The following FSTL5 variants were observed in gnomAD, a reference collection of about 807,000 sequenced individuals.
FSTL5 encodes the protein follistatin-related protein 5.
A neutral mutation model predicts 89.1 loss-of-function variants in FSTL5; 62 were observed. The observed-to-expected ratio is 0.70, with a 90% CI of 0.57 to 0.86. The LOEUF (loss-of-function observed/expected upper bound fraction) is 0.86. Ranked by LOEUF, FSTL5 falls within the 40% of genes least tolerant of loss-of-function variation. FSTL5 has a pLI of 0.00. For missense variants in FSTL5, 1,057 were observed against 1,001.6 expected, an observed-to-expected ratio of 1.06 and a Z score of -0.75; for synonymous variants, 383 against 346.2, an observed-to-expected ratio of 1.11 and a Z score of -1.18.
In FSTL5 at chr4:161,835,317, G is replaced by T. The variant is rs373026922; in HGVS notation, c.410-59243C>A. 5.7e-3 allele frequency among the ~76,000 whole-genome samples: 866 copies of T among 152,226 alleles called. 5 individuals carry two copies. Among genetic ancestry groups the T allele is most frequent in the Non-Finnish European group, 0.01 (713 of 68,020 alleles). The stretch of plus-strand genomic sequence containing the variant: ...AAAAATTAATTCAAGATGGATTAAA[G>T]ACTTAAACATTAGACCTAAAACCAT... On this transcript the variant is annotated intron_variant, in intron 4 of 15. Coordinates refer to ENST00000306100, the MANE Select transcript of FSTL5 (RefSeq NM_020116.5).
intron 4 of FSTL5, among the ~76,000 whole-genome samples, chr4:161,832,043 A>C (rs1171883734): frequency 6.6e-6 from 1 of 152,098 alleles, no homozygotes; most frequent in African/African-American, 2.4e-5. Context: ...TACAGAGATA[A>C]GGGATGCTTA....
At chr4:161,516,724 T>TACACACACAC (rs35139981) in intron 10 of FSTL5, among the ~76,000 whole-genome samples, 1 of 127,300 alleles carries the variant, frequency 7.9e-6, no homozygotes, top group Admixed American at 8.3e-5. Flanking sequence ...TATATATATG[T>TACACACACAC]ACACACACAC....
intron 2 of FSTL5, among the ~76,000 whole-genome samples, chr4:162,097,646 A>G (rs1393956261): frequency 1.3e-5 from 2 of 151,880 alleles, no homozygotes; most frequent in Non-Finnish European, 2.9e-5. Context: ...AGCAATTTAC[A>G]ACAATGGCAA....
chr4:162,071,410 T>C (rs138002938), intron 2 of FSTL5, among the ~76,000 whole-genome samples: 73 of 151,778 alleles, frequency 4.8e-4, no homozygotes, highest in African/African-American at 1.6e-3. Flanking sequence ...AGGTATTATA[T>C]AATAATATAG....
intron 4 of FSTL5, among the ~76,000 whole-genome samples, chr4:161,832,429 TG>T (rs1198989093): frequency 1.3e-5 from 2 of 152,136 alleles, no homozygotes; most frequent in Non-Finnish European, 2.9e-5. Context: ...CTTTTTCTAT[TG>T]ATTGGAATAG....
intron 6 of FSTL5, among the ~76,000 whole-genome samples, chr4:161,711,146 A>C (rs1332246814): frequency 6.6e-6 from 1 of 151,958 alleles, no homozygotes; most frequent in Non-Finnish European, 1.5e-5. Context: ...CCTGGGGGAC[A>C]AGGGGACAGG....
chr4:161,773,599 A>G (rs999070051), intron 5 of FSTL5, among the ~76,000 whole-genome samples: 1 of 152,164 alleles, frequency 6.6e-6, no homozygotes, highest in Non-Finnish European at 1.5e-5. Context: ...AAAATGCTCA[A>G]CATCACTAAT....
At chr4:161,512,688 A>C (rs575038621) in intron 10 of FSTL5, among the ~76,000 whole-genome samples, 1 of 152,244 alleles carries the variant, frequency 6.6e-6, no homozygotes, top group Admixed American at 6.5e-5. Context: ...AATAAATACC[A>C]AAAATTACAG....
intron 1 of FSTL5, among the ~76,000 whole-genome samples, chr4:162,116,796 A>T (rs993869085): frequency 7.9e-5 from 12 of 151,748 alleles, no homozygotes; most frequent in Non-Finnish European, 1.8e-4. Flanking sequence ...AGCCTTACTT[A>T]CCCTGCCACA....
intron 15 of FSTL5, among the ~76,000 whole-genome samples, chr4:161,421,456 T>C (rs1342324453): frequency 1.3e-5 from 2 of 152,180 alleles, no homozygotes; most frequent in African/African-American, 4.8e-5. Flanking sequence ...CTACACAAGA[T>C]AGTTGTATCA....
At chr4:162,147,856 T>A (rs985420531) in intron 1 of FSTL5, among the ~76,000 whole-genome samples, 1 of 151,878 alleles carries the variant, frequency 6.6e-6, no homozygotes, top group African/African-American at 2.4e-5. Context: ...CTACAAAAAA[T>A]TAGCTGGGCG....
intron 8 of FSTL5, among the ~76,000 whole-genome samples, chr4:161,578,693 C>T (rs532684396): frequency 2.0e-5 from 3 of 151,454 alleles, no homozygotes; most frequent in African/African-American, 4.8e-5. Flanking sequence ...TTGCTGATAC[C>T]CAATGATAAA....
intron 6 of FSTL5, among the ~76,000 whole-genome samples, chr4:161,728,606 A>T (rs577778132): frequency 2.4e-4 from 36 of 152,126 alleles, no homozygotes; most frequent in Non-Finnish European, 4.3e-4. Context: ...ATATGATGAC[A>T]AAGAAGATAA....
intron 4 of FSTL5, among the ~76,000 whole-genome samples, chr4:161,777,400 G>A (rs965489041): frequency 6.6e-6 from 1 of 151,894 alleles, no homozygotes; most frequent in African/African-American, 2.4e-5. Context: ...TGTCTTTTGA[G>A]TATATATCCA....
intron 8 of FSTL5, among the ~76,000 whole-genome samples, chr4:161,559,579 A>G (rs766624553): frequency 1.8e-4 from 27 of 151,868 alleles, no homozygotes; most frequent in Admixed American, 3.3e-4. Context: ...TCTCCCTCTC[A>G]TTTCTATCTT....
chr4:161,632,810 A>G (rs1735547484), intron 7 of FSTL5, among the ~76,000 whole-genome samples: 1 of 152,224 alleles, frequency 6.6e-6, no homozygotes, highest in South Asian at 2.1e-4. Context: ...TTCAAATAAA[A>G]TAGGTTAAAC....
rs146526619 is a variant in FSTL5 at position 161,516,706 on chromosome 4, A to AAT, written c.1313-6284_1313-6283dup. Among the ~76,000 whole-genome samples, 28 of 123,868 alleles carry AAT rather than the reference A, an allele frequency of 2.3e-4. 2 individuals carry two copies. The highest frequency in any genetic ancestry group is 1.9e-3 in the South Asian group (7 of 3,600). The allele number at this position is 123,868 out of a possible 152,430, so 81.3% of individuals were successfully genotyped here. A position where few individuals can be genotyped will look rare whatever the true frequency, so the allele number is the denominator to read the frequency against. On this transcript the variant is annotated intron_variant, in intron 10 of 15. Coordinates refer to ENST00000306100, the MANE Select transcript of FSTL5 (RefSeq NM_020116.5). ...ATGTATAGTGAATTTATTATATGTAAATATATATATATATATGTACACACA... is the reference window on the plus strand; with the variant it reads ...ATGTATAGTGAATTTATTATATGTAAATATATATATATATATATGTACACACA...
At chr4:161,847,564 T>C (rs1278408344) in intron 4 of FSTL5, among the ~76,000 whole-genome samples, 3 of 152,222 alleles carry the variant, frequency 2.0e-5, no homozygotes, top group Non-Finnish European at 4.4e-5. Context: ...TCACTTGTAG[T>C]TGTTTTTTCA....
At chr4:161,674,098 T>C (rs1436975667) in intron 6 of FSTL5, among the ~76,000 whole-genome samples, 1 of 152,062 alleles carries the variant, frequency 6.6e-6, no homozygotes, top group Admixed American at 6.6e-5. Context: ...AGATTTTCAC[T>C]ATTAATAGAA....
Sources: gnomAD v4.1 joint callset for allele counts (sites outside exome capture counted in the v4.1 genomes callset) on GRCh38, gnomAD v4.1.1 for gene constraint, MANE v1.5 for transcripts, NCBI Gene and HGNC (gene_info 2026-07-23, HGNC 2026-07-21) for gene names.